The following FAM78B variants were observed in gnomAD, a reference collection of about 807,000 sequenced individuals.
The protein encoded by FAM78B is protein FAM78B.
FAM78B carries 10 observed loss-of-function variants against 20.0 expected under a neutral mutation model. The observed-to-expected ratio is 0.50, with a 90% confidence interval of 0.31 to 0.85. FAM78B has a LOEUF of 0.85. FAM78B is among the 40% of genes least tolerant of loss of function. FAM78B has a pLI of 0.05. For missense variants in FAM78B, 283 were observed against 345.0 expected (o/e 0.82, Z 1.42); for synonymous variants, 135 against 132.8 (o/e 1.02, Z -0.12).
intron 1 of FAM78B, among the ~76,000 whole-genome samples, chr1:166,134,109 G>A (rs942821197): frequency 6.6e-6 from 1 of 152,174 alleles, no homozygotes; most frequent in Non-Finnish European, 1.5e-5. Flanking sequence ...GGGTTTTTCT[G>A]CACTGTCCCT....
At chr1:166,083,263 AATTT>A (rs1652654309) in intron 1 of FAM78B, among the ~76,000 whole-genome samples, 1 of 152,146 alleles carries the variant, frequency 6.6e-6, no homozygotes, top group Admixed American at 6.5e-5. Flanking sequence ...TAAAAAAATT[AATTT>A]GTCTTTATTC....
intron 1 of FAM78B, among the ~76,000 whole-genome samples, chr1:166,122,954 G>C (rs1329355186): frequency 1.3e-5 from 2 of 152,144 alleles, no homozygotes; most frequent in Admixed American, 1.3e-4. Flanking sequence ...TGGTCCGGCT[G>C]AGAGCTCCAG....
At chr1:166,132,040 G>T (rs1399043746) in intron 1 of FAM78B, among the ~76,000 whole-genome samples, 1 of 152,172 alleles carries the variant, frequency 6.6e-6, no homozygotes, top group African/African-American at 2.4e-5. Flanking sequence ...AAAAGGCAAG[G>T]CCTAAGCACA....
intron 1 of FAM78B, among the ~76,000 whole-genome samples, chr1:166,124,187 T>TCCTGGAACATCTTTTGCA (rs1477634823): frequency 1.3e-5 from 2 of 152,218 alleles, no homozygotes; most frequent in African/African-American, 4.8e-5. Context: ...AACACCCTTT[T>TCCTGGAACATCTTTTGCA]CCTGGAACAT....
exon 3 of FAM78B, chr1:166,060,599 T>G (rs1651554448): frequency 7.8e-7 from 1 of 1,289,072 alleles, no homozygotes; most frequent in Non-Finnish European, 1.0e-6. Context: ...CATTGCTCAC[T>G]TCCTCCTTCT....
At chr1:166,164,284 C>A (rs1656272541) in intron 1 of FAM78B, among the ~76,000 whole-genome samples, 1 of 152,212 alleles carries the variant, frequency 6.6e-6, no homozygotes. Flanking sequence ...CAACCCACTG[C>A]CATCAGGGTG....
At chr1:166,076,275 T>C (rs1254535957) in intron 1 of FAM78B, among the ~76,000 whole-genome samples, 1 of 152,168 alleles carries the variant, frequency 6.6e-6, no homozygotes, top group African/African-American at 2.4e-5. Flanking sequence ...CCCTATTTCC[T>C]CTCTGATTGT....
intron 1 of FAM78B, among the ~76,000 whole-genome samples, chr1:166,105,682 T>A (rs553485780): frequency 6.6e-6 from 1 of 152,036 alleles, no homozygotes; most frequent in East Asian, 1.9e-4. Context: ...GTTAGAATGG[T>A]GATCATTAAA....
intron 1 of FAM78B, among the ~76,000 whole-genome samples, chr1:166,158,496 T>C (rs1444560763): frequency 6.6e-6 from 1 of 152,188 alleles, no homozygotes. Context: ...AAGATTTCAA[T>C]GAGGCCATGC....
chr1:166,163,354 T>C (rs1656233390), intron 1 of FAM78B, among the ~76,000 whole-genome samples: 1 of 152,250 alleles, frequency 6.6e-6, no homozygotes, highest in Non-Finnish European at 1.5e-5. Context: ...CATCAACTAT[T>C]TCAAATGTTC....
intron 1 of FAM78B, among the ~76,000 whole-genome samples, chr1:166,120,803 A>G (rs1195509808): frequency 6.6e-6 from 1 of 152,216 alleles, no homozygotes; most frequent in African/African-American, 2.4e-5. Context: ...ACAGTTAACC[A>G]GGGGCAATGG....
intron 1 of FAM78B, among the ~76,000 whole-genome samples, chr1:166,086,591 T>A (rs984316811): frequency 6.6e-6 from 1 of 152,210 alleles, no homozygotes; most frequent in Admixed American, 6.5e-5. Flanking sequence ...AATCAGAGTT[T>A]ATTGTTTTCA....
At chr1:166,104,266 T>C (rs1335076427) in intron 1 of FAM78B, among the ~76,000 whole-genome samples, 3 of 152,138 alleles carry the variant, frequency 2.0e-5, no homozygotes, top group Non-Finnish European at 2.9e-5. Context: ...GGGCAAAAAC[T>C]AGAAGCATTC....
At chr1:166,101,058 C>T (rs187094067) in intron 1 of FAM78B, among the ~76,000 whole-genome samples, 70 of 152,334 alleles carry the variant, frequency 4.6e-4, no homozygotes, top group African/African-American at 1.6e-3. Flanking sequence ...CTGCAGCCTC[C>T]GCTGCTGATA....
At chr1:166,057,110 T>C (rs1408759813), downstream of FAM78B, among the ~76,000 whole-genome samples, 1 of 152,198 alleles carries the variant, frequency 6.6e-6, no homozygotes, top group African/African-American at 2.4e-5. Context: ...TTCTGTTGTT[T>C]ATAGGCCACC....
chr1:166,164,770 T>C (rs1224348008), intron 1 of FAM78B: 1 of 152,208 alleles, frequency 6.6e-6, no homozygotes. Flanking sequence ...CCACCCCATA[T>C]CCATATTAAA....
At chr1:166,065,824 CCTTT>C (rs1400051851), downstream of FAM78B, among the ~76,000 whole-genome samples, 8 of 152,060 alleles carry the variant, frequency 5.3e-5, no homozygotes, top group African/African-American at 1.9e-4. Flanking sequence ...CACTCAGCTC[CCTTT>C]CTATCTAAGG....
At chr1:166,098,884 G>A (rs1473647766) in intron 1 of FAM78B, among the ~76,000 whole-genome samples, 2 of 152,190 alleles carry the variant, frequency 1.3e-5, no homozygotes, top group East Asian at 1.9e-4. Context: ...CAAATACAAG[G>A]AGCACAAAGA....
intron 1 of FAM78B, among the ~76,000 whole-genome samples, chr1:166,144,392 A>G (rs1442884034): frequency 6.6e-6 from 1 of 152,200 alleles, no homozygotes; most frequent in Non-Finnish European, 1.5e-5. Flanking sequence ...TTTGTAGGAA[A>G]TGAAAGAGAC....
Sources: gnomAD v4.1 joint callset for allele counts (sites outside exome capture counted in the v4.1 genomes callset) on GRCh38, gnomAD v4.1.1 for gene constraint, MANE v1.5 for transcripts, NCBI Gene and HGNC (gene_info 2026-07-23, HGNC 2026-07-21) for gene names.